Variants in ARHGAP26 observed in about 807,000 individuals in gnomAD.
The protein encoded by ARHGAP26 is Rho GTPase activating protein 26, also known as rho GTPase-activating protein 26.
A neutral mutation model predicts 104.8 loss-of-function variants in ARHGAP26; 38 were observed. That is an observed-to-expected ratio of 0.36 (90% CI 0.28 to 0.48). ARHGAP26 has a LOEUF of 0.48. Ranked by LOEUF, ARHGAP26 falls within the 20% of genes least tolerant of loss-of-function variation. ARHGAP26 has a pLI of 0.99. For synonymous variants in ARHGAP26, 341 were observed against 340.0 expected, an observed-to-expected ratio of 1.00 and a Z score of -0.03; for missense variants, 704 against 947.9, an observed-to-expected ratio of 0.74 and a Z score of 3.38.
chr5:143,056,911 C>T (rs761519975), intron 16 of ARHGAP26, among the ~76,000 whole-genome samples: 1 of 152,138 alleles, frequency 6.6e-6, no homozygotes, highest in Admixed American at 6.5e-5. Context: ...AAGCCAGGAG[C>T]GAAGATGGTG....
intron 17 of ARHGAP26, among the ~76,000 whole-genome samples, chr5:143,116,396 C>T (rs1317543345): frequency 6.6e-6 from 1 of 152,146 alleles, no homozygotes; most frequent in Non-Finnish European, 1.5e-5. Context: ...GCCAGTACTC[C>T]TCTTTGACAT....
chr5:143,119,079 G>C (rs1795833299), intron 17 of ARHGAP26, among the ~76,000 whole-genome samples: 1 of 152,178 alleles, frequency 6.6e-6, no homozygotes, highest in Admixed American at 6.5e-5. Flanking sequence ...CTCCCCAGGG[G>C]AGGTGTGAGA....
intron 20 of ARHGAP26, among the ~76,000 whole-genome samples, chr5:143,174,021 A>G (rs1384577590): frequency 6.6e-6 from 1 of 152,246 alleles, no homozygotes; most frequent in East Asian, 1.9e-4. Flanking sequence ...TGTGTAAAGC[A>G]GGAAGGGTGA....
intron 1 of ARHGAP26, chr5:142,772,910 G>A: frequency 5.6e-6 from 3 of 533,326 alleles, no homozygotes; most frequent in South Asian, 4.2e-5. Context: ...GAATTCTTTG[G>A]TAGGAAGAAA....
chr5:142,835,047 G>A (rs376674038), intron 1 of ARHGAP26, among the ~76,000 whole-genome samples: 1 of 152,188 alleles, frequency 6.6e-6, no homozygotes, highest in East Asian at 1.9e-4. Flanking sequence ...GCTAGTAGGG[G>A]ATGTATTGTC....
At chr5:143,011,474 A>G (rs910543934) in intron 11 of ARHGAP26, among the ~76,000 whole-genome samples, 3 of 152,152 alleles carry the variant, frequency 2.0e-5, no homozygotes, top group African/African-American at 7.2e-5. Flanking sequence ...ACGTTGCCTG[A>G]CCATTATAAG....
At chr5:142,813,024 G>A (rs561584104) in intron 1 of ARHGAP26, among the ~76,000 whole-genome samples, 34 of 148,104 alleles carry the variant, frequency 2.3e-4, no homozygotes, top group African/African-American at 6.7e-4. Flanking sequence ...TGCAAGCTCC[G>A]CCTCCTGGGT....
At chr5:143,135,360 G>A (rs1201000307) in intron 19 of ARHGAP26, among the ~76,000 whole-genome samples, 2 of 152,202 alleles carry the variant, frequency 1.3e-5, no homozygotes, top group Non-Finnish European at 2.9e-5. Context: ...TAAATGCTGG[G>A]TGGTAATGGC....
At chr5:142,931,106 A>G (rs1295083003) in intron 10 of ARHGAP26, among the ~76,000 whole-genome samples, 1 of 152,256 alleles carries the variant, frequency 6.6e-6, no homozygotes, top group Non-Finnish European at 1.5e-5. Flanking sequence ...GGTTTTAACT[A>G]GCAATTCTTA....
intron 17 of ARHGAP26, among the ~76,000 whole-genome samples, chr5:143,102,746 C>G (rs3776315): frequency 0.085 from 12,962 of 152,290 alleles, 826 homozygotes; most frequent in East Asian, 0.22. Context: ...AATCCTGCCT[C>G]TTTGAAACTT....
intron 14 of ARHGAP26, among the ~76,000 whole-genome samples, chr5:143,052,583 G>A (rs1004873477): frequency 6.6e-6 from 1 of 152,166 alleles, no homozygotes; most frequent in African/African-American, 2.4e-5. Flanking sequence ...TACAGGTACT[G>A]TGCCTTTGAG....
Position 143,177,424 on chromosome 5 carries a change from C to T in ARHGAP26, c.1989-29774C>T, listed in dbSNP as rs754102208. ...GCTCCCCAGTGAAAACAGGACTCAT[C>T]GAATGCCAAGACGCTCAGTCATGGT... On this transcript the variant is annotated intron_variant, in intron 20 of 22. Transcript: ENST00000645722. Among the ~76,000 whole-genome samples, 10 of 152,266 alleles carry T rather than the reference C, an allele frequency of 6.6e-5. No homozygotes were observed. In the South Asian group the frequency reaches 1.0e-3, roughly 16 times the overall value.
intron 20 of ARHGAP26, among the ~76,000 whole-genome samples, chr5:143,167,307 TAAAAAAAAAAAAAA>T (rs35142931): frequency 1.0e-5 from 1 of 96,914 alleles, no homozygotes; most frequent in South Asian, 3.5e-4. Context: ...ATCTCTACTT[TAAAAAAAAAAAAAA>T]AAAAAAAAAA....
chr5:143,220,786 A>G (rs1432757883), intron 22 of ARHGAP26, among the ~76,000 whole-genome samples: 5 of 152,180 alleles, frequency 3.3e-5, no homozygotes, highest in Non-Finnish European at 5.9e-5. Flanking sequence ...CTAAGGAGGC[A>G]CTCAAGGTGT....
rs542050894 is a variant in ARHGAP26 at position 142,805,661 on chromosome 5, A to G, written c.154+34746A>G. Reference sequence around the variant, plus strand: ...GTGTGACTGAGGTTTGGAATAGCTAATGAGGCAGCTGTAACCTGGAATGAA... The same window carrying G: ...GTGTGACTGAGGTTTGGAATAGCTAGTGAGGCAGCTGTAACCTGGAATGAA... On this transcript the variant is annotated intron_variant, in intron 1 of 22. Coordinates refer to ENST00000645722, the MANE Select transcript of ARHGAP26 (RefSeq NM_001135608.3). Among the ~76,000 whole-genome samples the G allele has an allele frequency of 2.6e-5, 4 of 152,318 alleles. No individual in the cohort carries two copies. The South Asian group carries it at 8.3e-4, about 32-fold the overall frequency.
At chr5:142,798,291 C>T (rs1403146921) in intron 1 of ARHGAP26, among the ~76,000 whole-genome samples, 1 of 152,204 alleles carries the variant, frequency 6.6e-6, no homozygotes, top group Non-Finnish European at 1.5e-5. Context: ...CTTTGATGCT[C>T]ATGTGCCTCC....
At chr5:143,200,826 TG>T (rs1807605555) in intron 20 of ARHGAP26, among the ~76,000 whole-genome samples, 1 of 152,232 alleles carries the variant, frequency 6.6e-6, no homozygotes, top group Non-Finnish European at 1.5e-5. Context: ...ACTACTGTGG[TG>T]TGGAGATCAG....
At position 142,946,162 on chromosome 5, in the gene ARHGAP26, A is replaced by G. The variant is rs74407191; in HGVS notation, c.1107+14037A>G. On this transcript the variant is annotated intron_variant, in intron 11 of 22. Coordinates refer to ENST00000645722, the MANE Select transcript of ARHGAP26 (RefSeq NM_001135608.3). ...CTGCATCTTCTAAAGCCTCTCTGAC[A>G]TATATTCAATCTCAGTTTTGTAGAT... 6.9e-3 allele frequency among the ~76,000 whole-genome samples: 1,048 copies of G among 152,324 alleles called. 14 individuals carry two copies. Among genetic ancestry groups the G allele is most frequent in the African/African-American group, 0.024 (1,000 of 41,552 alleles).
intron 10 of ARHGAP26, among the ~76,000 whole-genome samples, chr5:142,927,787 A>G (rs1350405502): frequency 2.6e-5 from 4 of 152,208 alleles, no homozygotes; most frequent in African/African-American, 9.7e-5. Context: ...TCAGCAATGT[A>G]TGAGAGTCCC....
Sources: allele counts gnomAD v4.1 joint callset (sites outside exome capture counted in the v4.1 genomes callset), GRCh38; gene constraint gnomAD v4.1.1; transcripts MANE v1.5; gene names NCBI Gene and HGNC (gene_info 2026-07-23, HGNC 2026-07-21).